The following SDK1 variants were observed in gnomAD, a reference collection of about 807,000 sequenced individuals.
The protein encoded by SDK1 is sidekick cell adhesion molecule 1.
In SDK1, 157 loss-of-function variants were observed where a neutral mutation model predicts 245.5. The ratio of observed to expected loss-of-function variants is 0.64; its 90% CI spans 0.56 to 0.73. SDK1 has a LOEUF of 0.73. Among genes scored for constraint, SDK1 ranks in the 30% least tolerant of loss-of-function variants. The pLI, the probability that SDK1 is intolerant of heterozygous loss-of-function variation, is 0.00. For missense variants in SDK1, 3,583 were observed against 3,002.3 expected (o/e 1.19, Z -4.52); for synonymous variants, 1,647 against 1,278.5 (o/e 1.29, Z -6.15).
At chr7:3,555,437 T>G (rs1484095016) in intron 1 of SDK1, among the ~76,000 whole-genome samples, 1 of 152,126 alleles carries the variant, frequency 6.6e-6, no homozygotes, top group East Asian at 1.9e-4. Context: ...CAAAATGGAT[T>G]AAAAACTTTA....
chr7:3,447,266 T>A (rs1018517881), intron 1 of SDK1, among the ~76,000 whole-genome samples: 1 of 152,210 alleles, frequency 6.6e-6, no homozygotes. Flanking sequence ...ATAGTAACAA[T>A]TGGAATGATT....
Position 3,427,968 on chromosome 7 carries a change from A to T in SDK1, c.298+126084A>T, listed in dbSNP as rs571818542. Among the ~76,000 whole-genome samples, 11 of 152,116 alleles carry T rather than the reference A, an allele frequency of 7.2e-5. No homozygotes were observed. The South Asian group carries it at 2.3e-3, about 32-fold the overall frequency. On this transcript the variant is annotated intron_variant, in intron 1 of 44. Coordinates refer to ENST00000404826, the MANE Select transcript of SDK1 (RefSeq NM_152744.4). ...CTTCTCTAAACGTCGTTTATGTTTG[A>T]TTCAGATTTCACTTTGAGTTTACCA...
At chr7:3,441,994 G>C (rs1780208556) in intron 1 of SDK1, among the ~76,000 whole-genome samples, 2 of 152,124 alleles carry the variant, frequency 1.3e-5, no homozygotes, top group Non-Finnish European at 1.5e-5. Context: ...ATCCAGAGCA[G>C]CTCTCCACAA....
intron 1 of SDK1, among the ~76,000 whole-genome samples, chr7:3,431,875 T>A (rs536088226): frequency 6.6e-6 from 1 of 152,026 alleles, no homozygotes; most frequent in African/African-American, 2.4e-5. Flanking sequence ...ATTTTTTTTT[T>A]AAATGGCTGA....
At chr7:3,395,193 T>C (rs779509959) in intron 1 of SDK1, among the ~76,000 whole-genome samples, 8 of 151,996 alleles carry the variant, frequency 5.3e-5, no homozygotes, top group East Asian at 1.9e-4. Flanking sequence ...TGAATGCACA[T>C]TGGATTTTGT....
chr7:3,344,058 C>A (rs190284123), intron 1 of SDK1, among the ~76,000 whole-genome samples: 1 of 148,522 alleles, frequency 6.7e-6, no homozygotes, highest in African/African-American at 2.5e-5. Context: ...TGTATATTTT[C>A]ACTAAGTTTA....
intron 1 of SDK1, among the ~76,000 whole-genome samples, chr7:3,436,140 A>C (rs987695435): frequency 6.6e-6 from 1 of 152,220 alleles, no homozygotes; most frequent in Non-Finnish European, 1.5e-5. Flanking sequence ...TGAACACTGA[A>C]GACATTTTTA....
chr7:4,203,579 G>A (rs567939528), intron 35 of SDK1, among the ~76,000 whole-genome samples: 2 of 150,870 alleles, frequency 1.3e-5, no homozygotes, highest in South Asian at 2.1e-4. Flanking sequence ...TCCTTACACC[G>A]CAAATGCTAA....
intron 19 of SDK1, among the ~76,000 whole-genome samples, chr7:4,057,195 A>T (rs6958964): frequency 0.33 from 49,448 of 151,988 alleles, 12,910 homozygotes; most frequent in African/African-American, 0.73. Flanking sequence ...ACCCCACCCC[A>T]GCTGACCACA....
Position 4,245,818 on chromosome 7 carries a change from G to GCCTACTT in SDK1, c.6381+16_6381+22dup, listed in dbSNP as rs949027013. 1 of 1,613,516 alleles carries GCCTACTT rather than the reference G, an allele frequency of 6.2e-7. No individual in the cohort carries two copies. The highest frequency in any genetic ancestry group is 1.3e-5 in the African/African-American group (1 of 75,020). On this transcript the variant is annotated intron_variant, in intron 44 of 44. Transcript: ENST00000404826. ...ATCAGAATCTGAGGTCAGTGTCGGTGCCTACTTCCGGGCAGTGACCATCAG... is the reference window on the plus strand; with the variant it reads ...ATCAGAATCTGAGGTCAGTGTCGGTGCCTACTTCCTACTTCCGGGCAGTGACCATCAG...
At chr7:3,409,380 A>G (rs1248258938) in intron 1 of SDK1, among the ~76,000 whole-genome samples, 1 of 151,566 alleles carries the variant, frequency 6.6e-6, no homozygotes, top group Non-Finnish European at 1.5e-5. Context: ...ATCTGATCAC[A>G]TACTTACTGC....
intron 4 of SDK1, among the ~76,000 whole-genome samples, chr7:3,661,670 T>G (rs1783359766): frequency 6.6e-6 from 1 of 152,240 alleles, no homozygotes; most frequent in African/African-American, 2.4e-5. Context: ...ATTATTTTGC[T>G]GTTTTTAACA....
intron 40 of SDK1, among the ~76,000 whole-genome samples, chr7:4,226,845 C>T (rs916570600): frequency 8.5e-5 from 13 of 152,244 alleles, no homozygotes; most frequent in African/African-American, 2.9e-4. Flanking sequence ...ACTGGAATGA[C>T]GCTAAAGGAA....
At position 3,440,793 on chromosome 7, in the gene SDK1, A is replaced by G. The variant is rs113639377; in HGVS notation, c.298+138909A>G. Reference sequence around the variant, plus strand: ...ATGCTGGTCTTGCTGTTGCACCTCAAACTGCAAAAGTTATGGCCACAATGT... The same window carrying G: ...ATGCTGGTCTTGCTGTTGCACCTCAGACTGCAAAAGTTATGGCCACAATGT... On this transcript the variant is annotated intron_variant, in intron 1 of 44. Transcript: ENST00000404826. 1.9e-3 allele frequency among the ~76,000 whole-genome samples: 283 copies of G among 152,348 alleles called. 1 individual carries two copies. Among genetic ancestry groups the G allele is most frequent in the African/African-American group, 6.4e-3 (267 of 41,582 alleles).
At chr7:3,984,961 C>T (rs1471975238) in intron 13 of SDK1, among the ~76,000 whole-genome samples, 1 of 152,250 alleles carries the variant, frequency 6.6e-6, no homozygotes, top group Non-Finnish European at 1.5e-5. Flanking sequence ...TGCATTCCTA[C>T]CACTCTCACC....
At chr7:3,855,002 C>A (rs958001858) in intron 5 of SDK1, among the ~76,000 whole-genome samples, 1 of 152,016 alleles carries the variant, frequency 6.6e-6, no homozygotes, top group African/African-American at 2.4e-5. Flanking sequence ...TCCTCCAGAC[C>A]CTGTACGTCC....
At chr7:3,491,008 C>T (rs552392302) in intron 1 of SDK1, among the ~76,000 whole-genome samples, 1 of 152,234 alleles carries the variant, frequency 6.6e-6, no homozygotes, top group Non-Finnish European at 1.5e-5. Flanking sequence ...ATCACCTTGC[C>T]TGTGCCATGT....
chr7:3,705,591 A>G (rs955764433), intron 4 of SDK1, among the ~76,000 whole-genome samples: 1 of 151,926 alleles, frequency 6.6e-6, no homozygotes, highest in Non-Finnish European at 1.5e-5. Flanking sequence ...ACTGATTGGT[A>G]TACATTGATT....
At chr7:3,698,012 C>G (rs1460913506) in intron 4 of SDK1, among the ~76,000 whole-genome samples, 1 of 152,142 alleles carries the variant, frequency 6.6e-6, no homozygotes, top group Admixed American at 6.5e-5. Flanking sequence ...GCTGGCATCT[C>G]TGAGCTTTCC....
Sources: allele counts gnomAD v4.1 joint callset (sites outside exome capture counted in the v4.1 genomes callset), GRCh38; gene constraint gnomAD v4.1.1; transcripts MANE v1.5; gene names NCBI Gene and HGNC (gene_info 2026-07-23, HGNC 2026-07-21).